The following DMD variants were observed in gnomAD, a reference collection of about 807,000 sequenced individuals.
The protein encoded by DMD is dystrophin, also known as mutant dystrophin.
Under a neutral mutation model 330.1 loss-of-function variants are expected in DMD, and 63 were observed. The observed-to-expected ratio is 0.19, with a 90% CI of 0.16 to 0.24. The LOEUF (loss-of-function observed/expected upper bound fraction) is 0.24. DMD is among the 10% of genes least tolerant of loss of function. DMD has a pLI of 1.00. For missense variants in DMD, 3,344 were observed against 2,684.1 expected, an observed-to-expected ratio of 1.25 and a Z score of -5.43; for synonymous variants, 1,223 against 959.8, an observed-to-expected ratio of 1.27 and a Z score of -5.07.
intron 28 of DMD, among the ~76,000 whole-genome samples, 174 bp downstream of exon 28, chrX:32,441,006 A>T (rs748262660): frequency 1.8e-5 from 2 of 111,037 alleles, no homozygotes; most frequent in South Asian, 7.5e-4. Context: ...AAATCTTGTG[A>T]CCTAGAAGGT....
chrX:31,485,503 A>AT (rs1208196626), intron 57 of DMD, among the ~76,000 whole-genome samples: 2 of 111,526 alleles, frequency 1.8e-5, no homozygotes, highest in Admixed American at 1.9e-4. Flanking sequence ...GCCACTGATT[A>AT]TTTTTTTCTG....
chrX:32,325,020 A>G (rs1485471982), intron 41 of DMD, among the ~76,000 whole-genome samples: 1 of 111,676 alleles, frequency 9.0e-6, no homozygotes, highest in Admixed American at 9.6e-5. Flanking sequence ...AGATCTATAT[A>G]CATTACCTGG....
chrX:32,671,244 A>T (rs1177172847), intron 9 of DMD, among the ~76,000 whole-genome samples: 1 of 110,701 alleles, frequency 9.0e-6, no homozygotes, highest in Non-Finnish European at 1.9e-5. Flanking sequence ...TCTCTCCATT[A>T]TTTAGTAAAT....
chrX:32,529,115 CG>C (rs989053762), intron 17 of DMD, among the ~76,000 whole-genome samples: 11 of 105,607 alleles, frequency 1.0e-4, no homozygotes, highest in East Asian at 6.0e-4. Context: ...TTCATAGAGA[CG>C]GGGTTTCACT....
At chrX:32,164,393 A>G (rs951400094) in intron 44 of DMD, among the ~76,000 whole-genome samples, 1 of 111,424 alleles carries the variant, frequency 9.0e-6, no homozygotes, top group African/African-American at 3.3e-5. Flanking sequence ...GTGGTCTCAG[A>G]TGGAGATGAA....
At chrX:31,723,559 C>T (rs765635936) in intron 52 of DMD, among the ~76,000 whole-genome samples, 45 of 107,614 alleles carry the variant, frequency 4.2e-4, no homozygotes, top group African/African-American at 1.5e-3. Context: ...GGTCACTGCT[C>T]CAGCTTGGGC....
intron 29 of DMD, among the ~76,000 whole-genome samples, chrX:32,417,910 C>T (rs759187541): frequency 1.9e-5 from 2 of 107,964 alleles, no homozygotes; most frequent in South Asian, 4.2e-4. Flanking sequence ...TCCTTAACTC[C>T]TACTTCCCAA....
chrX:31,539,034 T>G (rs966765807), intron 55 of DMD, among the ~76,000 whole-genome samples: 13 of 111,783 alleles, frequency 1.2e-4, no homozygotes, highest in African/African-American at 4.2e-4. Flanking sequence ...TTCAGTCTAA[T>G]AGAGTTATTA....
At chrX:32,526,920 T>C (rs1474655220) in intron 17 of DMD, among the ~76,000 whole-genome samples, 1 of 112,192 alleles carries the variant, frequency 8.9e-6, no homozygotes, top group Non-Finnish European at 1.9e-5. Flanking sequence ...ACATAAATTT[T>C]AATTCAGTCA....
chrX:32,205,372 T>G (rs5972509), intron 44 of DMD, among the ~76,000 whole-genome samples: 3,959 of 108,056 alleles, frequency 0.037, 199 homozygotes, highest in African/African-American at 0.13. Context: ...TTTTCAACTT[T>G]TTCTCATTTT....
chrX:31,136,128 T>C (rs1048258150), intron 76 of DMD, among the ~76,000 whole-genome samples: 5 of 110,961 alleles, frequency 4.5e-5, no homozygotes, highest in African/African-American at 1.6e-4. Context: ...GTAAGGTAGA[T>C]AAAAAGCCTC....
intron 43 of DMD, among the ~76,000 whole-genome samples, chrX:32,239,361 G>A (rs749455674): frequency 1.1e-3 from 128 of 111,509 alleles, no homozygotes; most frequent in Non-Finnish European, 2.1e-3. Context: ...TAATAGACTT[G>A]ATTTTTTAAA....
At chrX:33,283,223 C>A (rs746396879) in intron 1 of DMD, among the ~76,000 whole-genome samples, 2 of 112,087 alleles carry the variant, frequency 1.8e-5, no homozygotes, top group South Asian at 3.7e-4. Context: ...TACATGTCAG[C>A]CTTTGAAATT....
chrX:32,615,543 G>C (rs1255048865), intron 11 of DMD, among the ~76,000 whole-genome samples: 6 of 111,631 alleles, frequency 5.4e-5, no homozygotes, highest in African/African-American at 3.2e-5. Flanking sequence ...TAAACATCAT[G>C]TTTAAAGCAT....
At position 32,809,475 on chromosome X, in the gene DMD, G is replaced by A. The variant is rs1173004945; in HGVS notation, c.649+18C>T. ...CTCTACCATACTAAAAGCAGTGGTA[G>A]TCCAGAAATTTACCAACCTTCAGGA... On this transcript the variant is annotated intron_variant, in intron 7 of 78. Coordinates refer to ENST00000357033, the MANE Select transcript of DMD (RefSeq NM_004006.3). 4 of 1,162,998 alleles carry A rather than the reference G, an allele frequency of 3.4e-6. No homozygotes were observed. The Admixed American group carries it at 8.7e-5, about 25-fold the overall frequency.
intron 60 of DMD, among the ~76,000 whole-genome samples, chrX:31,412,206 A>AAAAAAGAGAG (rs765872095): frequency 2.0e-4 from 19 of 94,178 alleles, no homozygotes; most frequent in East Asian, 4.8e-4. Context: ...AAAAAAAAAA[A>AAAAAAGAGAG]AGAGAGAGAG....
intron 50 of DMD, 50 bp downstream of exon 50, chrX:31,819,925 C>A (rs1418728951): frequency 2.8e-6 from 3 of 1,069,769 alleles, no homozygotes; most frequent in Non-Finnish European, 3.9e-6. Context: ...CATAGTTGCA[C>A]TTTTGAACAA....
chrX:32,626,271 G>A (rs1046509916), intron 11 of DMD, among the ~76,000 whole-genome samples: 5 of 110,893 alleles, frequency 4.5e-5, no homozygotes, highest in African/African-American at 1.6e-4. Flanking sequence ...AGGAGTTCAA[G>A]ACCAGCCTGG....
At chrX:33,145,947 C>T (rs1465916566) in intron 1 of DMD, among the ~76,000 whole-genome samples, 8 of 110,373 alleles carry the variant, frequency 7.2e-5, no homozygotes, top group Non-Finnish European at 7.6e-5. Flanking sequence ...AGTGCAGCGG[C>T]GCGATCTTGG....
Sources: gnomAD v4.1 joint callset for allele counts (sites outside exome capture counted in the v4.1 genomes callset) on GRCh38, gnomAD v4.1.1 for gene constraint, MANE v1.5 for transcripts, NCBI Gene and HGNC (gene_info 2026-07-23, HGNC 2026-07-21) for gene names.